The following ESYT2 variants were observed in gnomAD, a reference collection of about 807,000 sequenced individuals.
ESYT2 encodes the protein extended synaptotagmin 2.
In ESYT2, 54 loss-of-function variants were observed where a neutral mutation model predicts 107.2. The ratio of observed to expected loss-of-function variants is 0.50; its 90% CI spans 0.40 to 0.63. ESYT2 has a LOEUF of 0.63. Ranked by LOEUF, ESYT2 falls within the 30% of genes least tolerant of loss-of-function variation. The probability of loss-of-function intolerance (pLI) is 0.00; values close to 1 mark genes in which losing one functional copy is unlikely to be tolerated. For missense variants in ESYT2, 1,020 were observed against 1,094.5 expected (o/e 0.93, Z 0.96); for synonymous variants, 491 against 434.1 (o/e 1.13, Z -1.63).
In ESYT2 at chr7:158,731,966, C is replaced by G. The variant is rs968367673; in HGVS notation, c.*2241G>C. 1 of 152,144 alleles carries G rather than the reference C, an allele frequency of 6.6e-6. No homozygotes were observed. The highest frequency in any genetic ancestry group is 1.5e-5 in the Non-Finnish European group (1 of 68,038). The allele number at this position is 152,144 out of a possible 1,614,324, so 9.4% of individuals were successfully genotyped here. ...AGAGAATGGAGGCAGCTACTGGAGG[C>G]CAAGCACCTCCAGGCACTCAAGGCC... is the stretch of plus-strand genomic sequence containing the variant. On this transcript the variant is annotated 3_prime_UTR_variant, in exon 23 of 23. Coordinates refer to ENST00000275418, the MANE Select transcript of ESYT2 (RefSeq NM_001367773.1).
chr7:158,827,510 G>T (rs530483479), intron 1 of ESYT2: 6 of 151,698 alleles, frequency 4.0e-5, no homozygotes, highest in African/African-American at 1.5e-4. Flanking sequence ...GGTTTTTCCC[G>T]CCGCTAGCTA....
At chr7:158,818,573 C>T (rs147773452) in intron 1 of ESYT2, among the ~76,000 whole-genome samples, 6 of 152,338 alleles carry the variant, frequency 3.9e-5, no homozygotes, top group African/African-American at 9.6e-5. Context: ...TGCCTGCAAG[C>T]GGAGCACTGG....
At position 158,764,762 on chromosome 7, in the gene ESYT2, T is replaced by C. The variant is rs144199540; in HGVS notation, c.1016A>G (p.Tyr339Cys). Residue 339 changes from tyrosine (Y) to cysteine (C), a missense_variant, in exon 9 of 23, where the codon TAT becomes TGT. By Grantham distance (194) the Tyr-to-Cys change is radical (BLOSUM62 -2). Coordinates refer to ENST00000275418, the MANE Select transcript of ESYT2 (RefSeq NM_001367773.1). ...TTGGTTGCCAACTCTAATGATTCCA[T>C]AGGGGTCTGACTTTCCCTTGACAAG... Reference protein sequence around the residue: ...KGLVKGKSDPYGIIRVGNQIF... With the variant: ...KGLVKGKSDPCGIIRVGNQIF... 640 of 1,614,098 alleles carry C rather than the reference T, an allele frequency of 4.0e-4. 1 individual carries two copies. Among genetic ancestry groups the C allele is most frequent in the Non-Finnish European group, 5.2e-4 (609 of 1,180,040 alleles).
intron 15 of ESYT2, 83 bp from the exon 16 acceptor site, chr7:158,748,363 GA>G: frequency 9.0e-7 from 1 of 1,107,900 alleles, no homozygotes; most frequent in South Asian, 1.4e-5. Flanking sequence ...AGCTTAGAAT[GA>G]AAAATAAAAA....
chr7:158,798,141 C>A, intron 2 of ESYT2, 65 bp from the exon 3 acceptor site: 1 of 1,564,088 alleles, frequency 6.4e-7, no homozygotes, highest in South Asian at 1.2e-5. Flanking sequence ...CACGAGTGCT[C>A]GTGAGAAACC....
rs894695661 is a variant in ESYT2, at chr7:158,773,323, A to G, written c.803+18T>C. Reference sequence around the variant, plus strand: ...CGCCCTCGAACGCTAAGCCTCCGGGACCAGACACGAGACTTACTTCAATCC... The same window carrying G: ...CGCCCTCGAACGCTAAGCCTCCGGGGCCAGACACGAGACTTACTTCAATCC... On this transcript the variant is annotated intron_variant, in intron 7 of 22. Coordinates refer to ENST00000275418, the MANE Select transcript of ESYT2 (RefSeq NM_001367773.1). 1.3e-5 allele frequency: 21 copies of G among 1,613,884 alleles called. No individual in the cohort carries two copies. The highest frequency in any genetic ancestry group is 2.7e-5 in the African/African-American group (2 of 74,914).
At position 158,798,035 on chromosome 7, in the gene ESYT2, C is replaced by A; in HGVS notation, c.414G>T (p.Glu138Asp). 2 of 1,614,100 alleles carry A rather than the reference C, an allele frequency of 1.2e-6. No homozygotes were observed. Among genetic ancestry groups the A allele is most frequent in the Non-Finnish European group, 1.7e-6 (2 of 1,180,028 alleles). ...GTTCTATAGTTTCTCGAAACAACTT[C>A]TCTATAAATTGGCAAATGAAAGGCC... ...HMWPFICQFI[E>D]KLFRETIEPA... is the part of the protein sequence containing the mutation. Residue 138 changes from glutamate to aspartate, a missense_variant, in exon 3 of 23, where the codon GAG becomes GAT. Coordinates refer to ENST00000275418, the MANE Select transcript of ESYT2 (RefSeq NM_001367773.1).
In ESYT2 at chr7:158,796,609, A is replaced by C. The variant is rs551957537; in HGVS notation, c.507+1333T>G. Among the ~76,000 whole-genome samples, 3 of 152,356 alleles carry C rather than the reference A, an allele frequency of 2.0e-5. No individual in the cohort carries two copies. The South Asian group carries it at 6.2e-4, about 32-fold the overall frequency. ...ACAGAAGAACGTGGAGCAGAAAGAC[A>C]CGTGGTGGAGAAAAAGTCAGTGTTA... is the stretch of plus-strand genomic sequence containing the variant. On this transcript the variant is annotated intron_variant, in intron 3 of 22. Transcript: ENST00000275418.
chr7:158,789,547 G>T (rs917257171), intron 4 of ESYT2, among the ~76,000 whole-genome samples: 29 of 152,158 alleles, frequency 1.9e-4, no homozygotes, highest in Middle Eastern at 3.4e-3. Context: ...GTAGAGATGG[G>T]GTTTCACCAT....
At chr7:158,769,613 T>G (rs977963616) in intron 7 of ESYT2, among the ~76,000 whole-genome samples, 1 of 152,218 alleles carries the variant, frequency 6.6e-6, no homozygotes, top group Non-Finnish European at 1.5e-5. Context: ...ACCATAATCT[T>G]CACCCTTCTT....
chr7:158,765,789 ATT>A (rs1838138427), intron 8 of ESYT2, among the ~76,000 whole-genome samples: 2 of 151,974 alleles, frequency 1.3e-5, no homozygotes, highest in Non-Finnish European at 2.9e-5. Context: ...TCCCGAAAAT[ATT>A]GTTTTATTGA....
intron 7 of ESYT2, among the ~76,000 whole-genome samples, chr7:158,768,122 T>G (rs1188570181): frequency 6.6e-6 from 1 of 152,250 alleles, no homozygotes; most frequent in Non-Finnish European, 1.5e-5. Flanking sequence ...TATTCCTACT[T>G]CATCACAGAT....
At chr7:158,804,349 C>G (rs373087994) in intron 1 of ESYT2, among the ~76,000 whole-genome samples, 6 of 145,244 alleles carry the variant, frequency 4.1e-5, no homozygotes, top group Admixed American at 2.7e-4. Flanking sequence ...AAGGGTGAGG[C>G]GCGTGACAAA....
intron 14 of ESYT2, among the ~76,000 whole-genome samples, chr7:158,750,708 T>TC (rs1190459943): frequency 6.6e-6 from 1 of 152,058 alleles, no homozygotes; most frequent in African/African-American, 2.4e-5. Flanking sequence ...AATACTAATT[T>TC]CCCCCCTAAG....
At chr7:158,763,279 C>CTTTTTAT (rs398112085) in intron 9 of ESYT2, 114 bp from the exon 10 acceptor site, 3 of 383,494 alleles carry the variant, frequency 7.8e-6, no homozygotes, top group African/African-American at 6.9e-5. Flanking sequence ...GTGGTAAATC[C>CTTTTTAT]TTATTTATTT....
At chr7:158,771,021 T>A (rs1838348634) in intron 7 of ESYT2, among the ~76,000 whole-genome samples, 1 of 152,106 alleles carries the variant, frequency 6.6e-6, no homozygotes, top group Non-Finnish European at 1.5e-5. Flanking sequence ...TAGCTAGAAA[T>A]GACTACTGTA....
intron 1 of ESYT2, among the ~76,000 whole-genome samples, chr7:158,817,153 T>C (rs1269761966): frequency 1.3e-5 from 2 of 152,146 alleles, no homozygotes; most frequent in Non-Finnish European, 2.9e-5. Context: ...AAAGTTAACC[T>C]GTAAAACTAC....
intron 13 of ESYT2, among the ~76,000 whole-genome samples, chr7:158,754,003 G>A (rs1191276679): frequency 2.0e-5 from 3 of 152,020 alleles, no homozygotes; most frequent in Non-Finnish European, 4.4e-5. Context: ...GAGAGGCTGC[G>A]GTGTGTGGGT....
Position 158,741,504 on chromosome 7 carries a change from C to T in ESYT2, c.2168+19G>A, listed in dbSNP as rs1837204417. 6.5e-7 allele frequency: 1 copy of T among 1,547,692 alleles called. No individual in the cohort carries two copies. The highest frequency in any genetic ancestry group is 8.7e-7 in the Non-Finnish European group (1 of 1,154,930). On this transcript the variant is annotated intron_variant, in intron 18 of 22. Transcript: ENST00000275418. ...CGCTTGCTCTGCTGGTGAGAAACAACATGGTGGCACTTAGTTACTTTTCCA... is the reference window on the plus strand; with the variant it reads ...CGCTTGCTCTGCTGGTGAGAAACAATATGGTGGCACTTAGTTACTTTTCCA...
Sources: gnomAD v4.1 joint callset for allele counts (sites outside exome capture counted in the v4.1 genomes callset) on GRCh38, gnomAD v4.1.1 for gene constraint, MANE v1.5 for transcripts, NCBI Gene and HGNC (gene_info 2026-07-23, HGNC 2026-07-21) for gene names.